RACGAP1: variants seen among roughly 807,000 people sequenced by gnomAD.
RACGAP1 encodes Rac GTPase activating protein 1, also known as rac GTPase-activating protein 1.
Under a neutral mutation model 78.1 loss-of-function variants are expected in RACGAP1, and 30 were observed. The ratio of observed to expected loss-of-function variants is 0.38; its 90% CI spans 0.29 to 0.52. The LOEUF is 0.52. Ranked by LOEUF, RACGAP1 falls within the 20% of genes least tolerant of loss-of-function variation. The pLI is 0.82. For synonymous variants in RACGAP1, 231 were observed against 264.8 expected, an observed-to-expected ratio of 0.87 and a Z score of 1.24; for missense variants, 587 against 777.1, an observed-to-expected ratio of 0.76 and a Z score of 2.91.
At chr12:50,015,792 A>C (rs1005185640) in intron 2 of RACGAP1, among the ~76,000 whole-genome samples, 2 of 151,272 alleles carry the variant, frequency 1.3e-5, no homozygotes, top group African/African-American at 4.9e-5. Flanking sequence ...ACAGTGCAAG[A>C]CTCCATCTCA....
intron 15 of RACGAP1, among the ~76,000 whole-genome samples, chr12:49,991,497 T>A (rs1947871332): frequency 1.3e-5 from 1 of 74,412 alleles, no homozygotes; most frequent in Non-Finnish European, 3.2e-5. Context: ...TTTTTTTTTT[T>A]TTTTTTTTTT....
In RACGAP1 at chr12:49,990,800, G is replaced by A. The variant is rs760301078; in HGVS notation, c.1715-8C>T. 3.4e-5 allele frequency: 54 copies of A among 1,601,526 alleles called. No homozygotes were observed. The highest frequency in any genetic ancestry group is 8.0e-5 in the African/African-American group (6 of 74,536). On this transcript the variant is annotated splice_region_variant and splice_polypyrimidine_tract_variant and intron_variant, in intron 15 of 16. Coordinates refer to ENST00000312377, the MANE Select transcript of RACGAP1 (RefSeq NM_001319999.2). ...CAGGTCCCAGTAAACTCACTTCAAA[G>A]TTCAGACATATTTTTAAGAGAGGTG...
In RACGAP1 at chr12:49,990,150, G is replaced by T; in HGVS notation, c.*118C>A. Reference sequence around the variant, plus strand: ...AAAACCCTCATGCACAATTAAACTTGAGTAAAAGCCTGGAGAATGCTAAAA... The same window carrying T: ...AAAACCCTCATGCACAATTAAACTTTAGTAAAAGCCTGGAGAATGCTAAAA... On this transcript the variant is annotated 3_prime_UTR_variant, in exon 17 of 17. Transcript: ENST00000312377. The T allele has an allele frequency of 1.2e-6, 1 of 803,028 alleles. No homozygotes were observed. The highest frequency in any genetic ancestry group is 2.0e-6 in the Non-Finnish European group (1 of 493,838). The allele number at this position is 803,028 out of a possible 1,614,324, so 49.7% of individuals were successfully genotyped here.
Position 50,006,543 on chromosome 12 carries a change from T to C in RACGAP1, c.179A>G (p.Lys60Arg). 2 of 1,614,174 alleles carry C rather than the reference T, an allele frequency of 1.2e-6. No homozygotes were observed. Among genetic ancestry groups the C allele is most frequent in the Admixed American group, 1.7e-5 (1 of 60,018 alleles). ...CAGAGCACTTCGCTCAGTCTCTGCT[T>C]TCATCAAAAGATCCTTGTATTTCCC... ...ELGKYKDLLMKAETERSALDV... is the reference protein window; with the variant it reads ...ELGKYKDLLMRAETERSALDV... Residue 60 changes from lysine to arginine, a missense_variant, in exon 3 of 17, where the codon AAA (lysine) becomes AGA (arginine). Lys to Arg is a conservative substitution (Grantham distance 26, BLOSUM62 2). Coordinates refer to ENST00000312377, the MANE Select transcript of RACGAP1 (RefSeq NM_001319999.2).
At chr12:50,002,109 C>T (rs1948718880) in intron 6 of RACGAP1, 138 bp downstream of exon 6, 2 of 552,538 alleles carry the variant, frequency 3.6e-6, no homozygotes, top group South Asian at 2.9e-5. Context: ...ATACTGTCCC[C>T]ACAGCATGAA....
Position 50,025,392 on chromosome 12 carries a change from A to G in RACGAP1, c.-5+6T>C, listed in dbSNP as rs1950233606. ...ACGCACCTGGTCTGGCACCCCCACT[A>G]CTCACTTCAGTCAGCCTGGCCCCAC... On this transcript the variant is annotated splice_donor_region_variant and intron_variant, in intron 1 of 16. Coordinates refer to ENST00000312377, the MANE Select transcript of RACGAP1 (RefSeq NM_001319999.2). 3.0e-6 allele frequency: 3 copies of G among 985,208 alleles called. No homozygotes were observed. The highest frequency in any genetic ancestry group is 1.8e-5 in the African/African-American group (1 of 57,076). 61.0% of individuals were successfully genotyped at this position (985,208 alleles called of 1,614,324 possible).
intron 8 of RACGAP1, 127 bp from the exon 9 acceptor site, chr12:49,999,398 A>G (rs1948508877): frequency 1.6e-6 from 2 of 1,259,164 alleles, no homozygotes; most frequent in Non-Finnish European, 2.2e-6. Flanking sequence ...ACTAATGGCT[A>G]TGTAAAAAAA....
intron 2 of RACGAP1, among the ~76,000 whole-genome samples, chr12:50,011,208 C>T (rs1489130468): frequency 2.0e-5 from 3 of 151,926 alleles, no homozygotes; most frequent in Non-Finnish European, 4.4e-5. Context: ...GTGGCATGCG[C>T]CTGTAATCCC....
chr12:49,996,812 G>A (rs1471585073), intron 10 of RACGAP1, among the ~76,000 whole-genome samples: 1 of 151,648 alleles, frequency 6.6e-6, no homozygotes, highest in Admixed American at 6.6e-5. Flanking sequence ...GGAGAAGCAG[G>A]GAAGAGCAAG....
chr12:49,992,598 G>A lies in RACGAP1; in HGVS notation c.1397C>T (p.Pro466Leu). 6.2e-7 allele frequency: 1 copy of A among 1,614,112 alleles called. No individual in the cohort carries two copies. Residue 466 changes from proline to leucine, a missense_variant, in exon 13 of 17, where the codon CCC becomes CTC. Physicochemically the swap from Pro to Leu is moderately conservative, Grantham distance 98 (BLOSUM62 -3). Coordinates refer to ENST00000312377, the MANE Select transcript of RACGAP1 (RefSeq NM_001319999.2). The stretch of plus-strand genomic sequence containing the variant: ...AGCTAATGTGTCCCTGTTGGCCTGG[G>A]GCAGTTCACCAACAGCTTGGTACAT... Reference protein sequence around the residue: ...AAMYQAVGELPQANRDTLAFL... With the variant: ...AAMYQAVGELLQANRDTLAFL...
intron 2 of RACGAP1, among the ~76,000 whole-genome samples, chr12:50,012,603 AC>A (rs1382839233): frequency 1.3e-5 from 2 of 151,822 alleles, no homozygotes; most frequent in African/African-American, 4.8e-5. Context: ...AAATAAAAAT[AC>A]AAAAATTAGC....
rs775722716 is a variant in RACGAP1 at position 49,992,415 on chromosome 12, T to C, written c.1446-38A>G. 6.2e-6 allele frequency: 10 copies of C among 1,602,168 alleles called. 2 individuals carry two copies. The South Asian group carries it at 1.1e-4, about 18-fold the overall frequency. ...ATATTAAATTAGAAGTCTTGCTCCTTGCTTAAATGCAGACCAAAATATAAA... is the reference window on the plus strand; with the variant it reads ...ATATTAAATTAGAAGTCTTGCTCCTCGCTTAAATGCAGACCAAAATATAAA... On this transcript the variant is annotated intron_variant, in intron 13 of 16. Coordinates refer to ENST00000312377, the MANE Select transcript of RACGAP1 (RefSeq NM_001319999.2).
upstream of RACGAP1, among the ~76,000 whole-genome samples, chr12:50,025,854 GCA>G: frequency 6.6e-6 from 1 of 152,300 alleles, no homozygotes; most frequent in South Asian, 2.1e-4. Context: ...AGTTAGAACA[GCA>G]GTTAGTTTCA....
rs1208041518 is a variant in RACGAP1 at position 50,016,668 on chromosome 12, C to A, written c.48G>T (p.Val16=). 1 of 1,614,028 alleles carries A rather than the reference C, an allele frequency of 6.2e-7. No homozygotes were observed. Among genetic ancestry groups the A allele is most frequent in the East Asian group, 2.2e-5 (1 of 44,876 alleles). ...LNVRNLFEQL[V]RRVEILSEGN... ...CTTCACTGAGAATCTCCACCCGGCG[C>A]ACAAGCTGCTCAAACAGATTCCGCA... Residue 16 remains valine (V), a synonymous_variant, in exon 2 of 17, where the codon GTG becomes GTT. Transcript: ENST00000312377.
chr12:50,016,813 ACT>A, intron 1 of RACGAP1, 94 bp from the exon 2 acceptor site: 2 of 1,426,690 alleles, frequency 1.4e-6, no homozygotes, highest in Non-Finnish European at 1.9e-6. Flanking sequence ...CAACATCTGG[ACT>A]CTTCCATTTA....
chr12:49,995,194 C>T (rs1273862442), intron 10 of RACGAP1, among the ~76,000 whole-genome samples: 1 of 151,980 alleles, frequency 6.6e-6, no homozygotes, highest in African/African-American at 2.4e-5. Context: ...ACTAAAAATA[C>T]AAAATTAGCC....
At chr12:50,013,964 A>C (rs907912405) in intron 2 of RACGAP1, among the ~76,000 whole-genome samples, 12 of 152,208 alleles carry the variant, frequency 7.9e-5, no homozygotes, top group Non-Finnish European at 1.3e-4. Context: ...AGAGAAACCT[A>C]ATTAGTATGC....
intron 1 of RACGAP1, among the ~76,000 whole-genome samples, chr12:50,022,574 C>A (rs922952496): frequency 2.0e-5 from 3 of 152,000 alleles, no homozygotes; most frequent in Non-Finnish European, 4.4e-5. Flanking sequence ...AAGAGTGAAA[C>A]TCTGTCTCAA....
chr12:50,030,632 T>G (rs1478724594), intron 2 of RACGAP1, among the ~76,000 whole-genome samples: 6 of 151,972 alleles, frequency 3.9e-5, no homozygotes, highest in Admixed American at 1.3e-4. Context: ...GAGGTTGCAG[T>G]AACCCGCGAT....
Sources: allele counts gnomAD v4.1 joint callset (sites outside exome capture counted in the v4.1 genomes callset), GRCh38; gene constraint gnomAD v4.1.1; transcripts MANE v1.5; gene names NCBI Gene and HGNC (gene_info 2026-07-23, HGNC 2026-07-21).